SNTG1: variants seen among roughly 807,000 people sequenced by gnomAD.
SNTG1 encodes the protein gamma-1-syntrophin.
A neutral mutation model predicts 74.7 loss-of-function variants in SNTG1; 39 were observed. The observed-to-expected ratio is 0.52, with a 90% CI of 0.40 to 0.68. The LOEUF (loss-of-function observed/expected upper bound fraction) is 0.68, where lower values mean the gene tolerates loss of function less well. Ranked by LOEUF, SNTG1 falls within the 30% of genes least tolerant of loss-of-function variation. The probability of loss-of-function intolerance (pLI) is 0.00; values close to 1 mark genes in which losing one functional copy is unlikely to be tolerated. For synonymous variants in SNTG1, 254 were observed against 217.1 expected (o/e 1.17, Z -1.49); for missense variants, 685 against 609.5 (o/e 1.12, Z -1.30).
intron 13 of SNTG1, among the ~76,000 whole-genome samples, chr8:50,613,440 A>G (rs1194375484): frequency 3.3e-5 from 5 of 152,234 alleles, no homozygotes; most frequent in Non-Finnish European, 7.3e-5. Context: ...TTCAAAAGAA[A>G]TAATATGAAT....
intron 17 of SNTG1, among the ~76,000 whole-genome samples, chr8:50,732,133 C>A (rs1028730623): frequency 6.6e-6 from 1 of 151,904 alleles, no homozygotes; most frequent in African/African-American, 2.4e-5. Flanking sequence ...GCCAGAGGAA[C>A]TTTATTATGA....
At chr8:50,283,962 A>G (rs1366710783) in intron 2 of SNTG1, among the ~76,000 whole-genome samples, 1 of 152,092 alleles carries the variant, frequency 6.6e-6, no homozygotes, top group African/African-American at 2.4e-5. Flanking sequence ...ATTACTATAA[A>G]TTGTTGGTAC....
chr8:50,504,450 T>C (rs1230464667), intron 9 of SNTG1, among the ~76,000 whole-genome samples: 1 of 152,182 alleles, frequency 6.6e-6, no homozygotes, highest in Non-Finnish European at 1.5e-5. Flanking sequence ...TACTTAAGAA[T>C]TGAATTGCTG....
At chr8:50,464,429 G>A (rs915095511) in intron 8 of SNTG1, among the ~76,000 whole-genome samples, 1 of 152,088 alleles carries the variant, frequency 6.6e-6, no homozygotes, top group African/African-American at 2.4e-5. Flanking sequence ...GGCCATGACA[G>A]CATAATTACT....
intron 8 of SNTG1, among the ~76,000 whole-genome samples, chr8:50,476,977 C>G (rs932986479): frequency 6.6e-6 from 1 of 151,884 alleles, no homozygotes; most frequent in Non-Finnish European, 1.5e-5. Flanking sequence ...AAAGCTGAAA[C>G]CATCTGAACA....
At chr8:49,926,288 A>G (rs366526) in intron 1 of SNTG1, among the ~76,000 whole-genome samples, 20,033 of 151,678 alleles carry the variant, frequency 0.13, 1,501 homozygotes, top group Middle Eastern at 0.19. Flanking sequence ...GGTTTGTGAA[A>G]GGTAACAAAA....
intron 15 of SNTG1, among the ~76,000 whole-genome samples, chr8:50,693,148 C>G (rs1478509988): frequency 1.3e-5 from 2 of 152,170 alleles, no homozygotes; most frequent in African/African-American, 2.4e-5. Flanking sequence ...CAGGTGCCGT[C>G]TGTCACCCCT....
intron 17 of SNTG1, among the ~76,000 whole-genome samples, chr8:50,749,612 C>T (rs956861632): frequency 7.2e-5 from 11 of 151,926 alleles, no homozygotes; most frequent in Admixed American, 6.6e-5. Context: ...CAATGCAGCT[C>T]GTGACTAAAG....
At chr8:50,526,267 C>T (rs1389572671) in intron 9 of SNTG1, among the ~76,000 whole-genome samples, 8 of 152,078 alleles carry the variant, frequency 5.3e-5, no homozygotes, top group Admixed American at 4.6e-4. Flanking sequence ...TTGTGCACTC[C>T]CCCAAAAGCC....
intron 17 of SNTG1, among the ~76,000 whole-genome samples, chr8:50,713,559 A>AAC (rs2095467720): frequency 6.6e-6 from 1 of 152,134 alleles, no homozygotes. Context: ...TTGGTGTTTT[A>AAC]GTCATGAAGT....
chr8:50,700,538 T>G (rs1224576707), intron 15 of SNTG1, among the ~76,000 whole-genome samples: 1 of 152,130 alleles, frequency 6.6e-6, no homozygotes, highest in African/African-American at 2.4e-5. Flanking sequence ...CTCACTTAAC[T>G]CTCCAATATC....
At chr8:50,059,335 T>G (rs775639825) in intron 1 of SNTG1, among the ~76,000 whole-genome samples, 1 of 152,138 alleles carries the variant, frequency 6.6e-6, no homozygotes, top group Non-Finnish European at 1.5e-5. Flanking sequence ...TTTAACAGAT[T>G]TATTGAGCTA....
chr8:50,700,682 C>A (rs2095420509), intron 15 of SNTG1, among the ~76,000 whole-genome samples: 1 of 149,546 alleles, frequency 6.7e-6, no homozygotes, highest in African/African-American at 2.6e-5. Flanking sequence ...TACAACTTTC[C>A]CCCTCCTACT....
chr8:50,639,027 A>G (rs989917475), intron 13 of SNTG1, among the ~76,000 whole-genome samples: 9 of 152,142 alleles, frequency 5.9e-5, no homozygotes, highest in East Asian at 1.9e-4. Flanking sequence ...AAATTATTCA[A>G]TTATTGAGGT....
intron 2 of SNTG1, among the ~76,000 whole-genome samples, chr8:50,230,429 G>A (rs2132058179): frequency 6.6e-6 from 1 of 151,408 alleles, no homozygotes; most frequent in East Asian, 1.9e-4. Flanking sequence ...TATATGTATA[G>A]CTTTACACAT....
In SNTG1 at chr8:50,121,365, C is replaced by T. The variant is rs1160988566; in HGVS notation, c.-102-51196C>T. The stretch of plus-strand genomic sequence containing the variant: ...CCTCTTGGAGTTCTGGTGTTCCTAC[C>T]TAGTTCTATGTGCACTGCTCAGAAA... On this transcript the variant is annotated intron_variant, in intron 1 of 18. Transcript: ENST00000642720. Among the ~76,000 whole-genome samples the T allele has an allele frequency of 1.4e-5, 2 of 141,762 alleles. 1 individual carries two copies. Among genetic ancestry groups the T allele is most frequent in the Admixed American group, 1.5e-4 (2 of 13,778 alleles). 93.0% of individuals were successfully genotyped at this position (141,762 alleles called of 152,430 possible). A position where few individuals can be genotyped will look rare whatever the true frequency, so the allele number is the denominator to read the frequency against.
intron 2 of SNTG1, among the ~76,000 whole-genome samples, chr8:50,348,409 G>C (rs2091547674): frequency 6.6e-6 from 1 of 152,142 alleles, no homozygotes; most frequent in Non-Finnish European, 1.5e-5. Flanking sequence ...GAGTTGGAGG[G>C]AAATGACTAA....
intron 17 of SNTG1, among the ~76,000 whole-genome samples, chr8:50,722,482 G>A (rs538679681): frequency 6.6e-6 from 1 of 152,000 alleles, no homozygotes; most frequent in Non-Finnish European, 1.5e-5. Context: ...GGCCCACATT[G>A]TATAATTCAA....
At chr8:50,010,696 C>T (rs1003551035) in intron 1 of SNTG1, among the ~76,000 whole-genome samples, 18 of 151,532 alleles carry the variant, frequency 1.2e-4, no homozygotes, top group African/African-American at 4.1e-4. Flanking sequence ...AAAACATCCC[C>T]GTAGGTATAC....
Sources: gnomAD v4.1 joint callset for allele counts (sites outside exome capture counted in the v4.1 genomes callset) on GRCh38, gnomAD v4.1.1 for gene constraint, MANE v1.5 for transcripts, NCBI Gene and HGNC (gene_info 2026-07-23, HGNC 2026-07-21) for gene names.